Variants in ASPRV1 observed in about 807,000 individuals in gnomAD.
The protein encoded by ASPRV1 is retroviral-like aspartic protease 1.
ASPRV1 carries 7 observed loss-of-function variants against 11.0 expected under a neutral mutation model. The ratio of observed to expected loss-of-function variants is 0.64; its 90% confidence interval spans 0.36 to 1.20. The LOEUF is 1.20. ASPRV1 is among the 50% of genes most tolerant of loss of function. The probability of loss-of-function intolerance (pLI) is 0.02; values close to 1 mark genes in which losing one functional copy is unlikely to be tolerated. For synonymous variants in ASPRV1, 136 were observed against 138.4 expected, an observed-to-expected ratio of 0.98 and a Z score of 0.12; for missense variants, 299 against 320.0, an observed-to-expected ratio of 0.93 and a Z score of 0.50.
the ASPRV1 span, among the ~76,000 whole-genome samples, chr2:70,079,943 C>T: frequency 1.3e-5 from 2 of 152,144 alleles, no homozygotes; most frequent in East Asian, 3.8e-4. Flanking sequence ...TAATGTTGAA[C>T]AAATGCTTTG....
chr2:70,031,513 T>C, the ASPRV1 span: 36,886 of 151,902 alleles, frequency 0.24, 8,160 homozygotes, highest in African/African-American at 0.56. Flanking sequence ...CCGGCTAACA[T>C]GGTAAAACCC....
At chr2:70,020,206 T>A in the ASPRV1 span, among the ~76,000 whole-genome samples, 1 of 152,154 alleles carries the variant, frequency 6.6e-6, no homozygotes, top group Non-Finnish European at 1.5e-5. Context: ...ATTAAAAATA[T>A]AATTACCATA....
At chr2:70,049,335 A>G in the ASPRV1 span, 6 of 151,862 alleles carry the variant, frequency 4.0e-5, no homozygotes, top group East Asian at 1.9e-4. Flanking sequence ...CTGGCACACA[A>G]TATCTGCTGT....
the ASPRV1 span, chr2:70,003,212 T>C: frequency 6.6e-6 from 1 of 152,188 alleles, no homozygotes; most frequent in Non-Finnish European, 1.5e-5. Context: ...CCTGAAGTCT[T>C]TGCCATGAGC....
downstream of ASPRV1, among the ~76,000 whole-genome samples, chr2:69,959,409 G>A (rs1276385245): frequency 6.6e-6 from 1 of 152,076 alleles, no homozygotes; most frequent in African/African-American, 2.4e-5. Flanking sequence ...TCCTCCCTTT[G>A]AGTTTCAGAT....
chr2:70,015,192 G>A, the ASPRV1 span, among the ~76,000 whole-genome samples: 1 of 152,182 alleles, frequency 6.6e-6, no homozygotes, highest in African/African-American at 2.4e-5. Context: ...GAATGAAAGT[G>A]AAAGGCTAGA....
the ASPRV1 span, among the ~76,000 whole-genome samples, chr2:69,937,577 C>T: frequency 0.029 from 4,445 of 152,278 alleles, 104 homozygotes; most frequent in Non-Finnish European, 0.047. Context: ...TAGGTGACAA[C>T]CCCAGAAGAG....
chr2:69,938,145 T>C, the ASPRV1 span: 1 of 1,614,232 alleles, frequency 6.2e-7, no homozygotes, highest in East Asian at 2.2e-5. Flanking sequence ...ACAGGTGATC[T>C]GGACTGGAGC....
the ASPRV1 span, among the ~76,000 whole-genome samples, chr2:70,040,015 T>C: frequency 6.6e-6 from 1 of 152,158 alleles, no homozygotes; most frequent in East Asian, 1.9e-4. Context: ...AACAATATAA[T>C]TTGGCTTGAG....
rs1205735870 is a variant in ASPRV1 at position 69,960,584 on chromosome 2, G to A, written c.*73C>T. The A allele has an allele frequency of 1.4e-6, 2 of 1,464,028 alleles. No homozygotes were observed. The highest frequency in any genetic ancestry group is 2.8e-5 in the African/African-American group (2 of 70,400). 90.7% of individuals were successfully genotyped at this position (1,464,028 alleles called of 1,614,324 possible). A position where few individuals can be genotyped will look rare whatever the true frequency, so the allele number is the denominator to read the frequency against. ...ACTGGCCAAGCCCAGTGACCCCCAT[G>A]AGGATATGCAACCCCCCCCACAGCG... On this transcript the variant is annotated 3_prime_UTR_variant, in exon 1 of 1. Transcript: ENST00000320256.
chr2:70,015,888 GGGA>G, the ASPRV1 span: 2 of 152,178 alleles, frequency 1.3e-5, no homozygotes, highest in Admixed American at 6.5e-5. Flanking sequence ...ACTCGAACCC[GGGA>G]GGAGGAGGTT....
chr2:70,078,141 A>G, the ASPRV1 span, among the ~76,000 whole-genome samples: 20 of 152,334 alleles, frequency 1.3e-4, no homozygotes, highest in Non-Finnish European at 2.6e-4. Context: ...TGGGCGACAG[A>G]GCAAGACTCT....
chr2:70,052,586 C>G, the ASPRV1 span, among the ~76,000 whole-genome samples: 2 of 150,986 alleles, frequency 1.3e-5, no homozygotes, highest in Non-Finnish European at 3.0e-5. Context: ...ATACTTTGCT[C>G]CAGAAAGAAT....
At chr2:69,979,476 G>C in the ASPRV1 span, among the ~76,000 whole-genome samples, 1 of 152,090 alleles carries the variant, frequency 6.6e-6, no homozygotes, top group Admixed American at 6.5e-5. Context: ...AGGAGGAACT[G>C]GGGAGTGGGA....
At chr2:70,062,016 G>A in the ASPRV1 span, among the ~76,000 whole-genome samples, 115 of 149,388 alleles carry the variant, frequency 7.7e-4, no homozygotes, top group African/African-American at 2.7e-3. Flanking sequence ...GGCTGAGCAC[G>A]GTGGCTCACA....
chr2:70,084,077 AGGAG>A, the ASPRV1 span, among the ~76,000 whole-genome samples: 1 of 152,168 alleles, frequency 6.6e-6, no homozygotes, highest in South Asian at 2.1e-4. Context: ...CTCTCGGGGA[AGGAG>A]GGAGGCTAAG....
At chr2:70,061,766 T>C in the ASPRV1 span, among the ~76,000 whole-genome samples, 99 of 151,896 alleles carry the variant, frequency 6.5e-4, no homozygotes, top group African/African-American at 2.3e-3. Context: ...CTGGCCAACA[T>C]AGCGAAACCC....
At chr2:70,035,870 A>AT in the ASPRV1 span, among the ~76,000 whole-genome samples, 20 of 147,520 alleles carry the variant, frequency 1.4e-4, no homozygotes, top group South Asian at 1.1e-3. Context: ...ACTTCACAAA[A>AT]TTTTTTTTTT....
At chr2:70,055,657 G>A in the ASPRV1 span, 1 of 152,112 alleles carries the variant, frequency 6.6e-6, no homozygotes, top group Non-Finnish European at 1.5e-5. Flanking sequence ...GGAACTTACA[G>A]GATAGGTCAA....
Sources: allele counts gnomAD v4.1 joint callset (sites outside exome capture counted in the v4.1 genomes callset), GRCh38; gene constraint gnomAD v4.1.1; transcripts MANE v1.5; gene names NCBI Gene and HGNC (gene_info 2026-07-23, HGNC 2026-07-21).